Variants in WTIP observed in about 807,000 individuals in gnomAD.
WTIP encodes the protein Wilms tumor protein 1-interacting protein.
A neutral mutation model predicts 41.7 loss-of-function variants in WTIP; 23 were observed. That is an observed-to-expected ratio of 0.55 (90% CI 0.40 to 0.78). The LOEUF (loss-of-function observed/expected upper bound fraction) is 0.78, where lower values mean the gene tolerates loss of function less well. Among genes scored for constraint, WTIP ranks in the 30% least tolerant of loss-of-function variants. The pLI, the probability that WTIP is intolerant of heterozygous loss-of-function variation, is 0.00. For synonymous variants in WTIP, 314 were observed against 269.9 expected, an observed-to-expected ratio of 1.16 and a Z score of -1.60; for missense variants, 619 against 610.5, an observed-to-expected ratio of 1.01 and a Z score of -0.15.
chr19:34,484,935 TA>T (rs34263232), intron 1 of WTIP, among the ~76,000 whole-genome samples: 282 of 115,494 alleles, frequency 2.4e-3, no homozygotes, highest in Middle Eastern at 4.6e-3. Context: ...GTCTTTTCTT[TA>T]AAAAAAAAAA....
Position 34,502,708 on chromosome 19 carries a change from C to T in WTIP, c.*2439C>T, listed in dbSNP as rs1019507224. 2.6e-5 allele frequency: 4 copies of T among 152,358 alleles called. No individual in the cohort carries two copies. Among genetic ancestry groups the T allele is most frequent in the Non-Finnish European group, 5.9e-5 (4 of 68,144 alleles). 9.4% of individuals were successfully genotyped at this position (152,358 alleles called of 1,614,324 possible). On this transcript the variant is annotated 3_prime_UTR_variant, in exon 8 of 8. Transcript: ENST00000590071. ...GTTCTGGGATTACAGGCGTGAGCCA[C>T]TGTGCCTGGCCTTACTTTTTGTATT...
At chr19:34,488,681 C>T (rs567969009) in intron 1 of WTIP, among the ~76,000 whole-genome samples, 91 of 151,890 alleles carry the variant, frequency 6.0e-4, no homozygotes, top group Non-Finnish European at 1.2e-3. Flanking sequence ...TCCTTATTTC[C>T]TTCAGGCCTT....
At chr19:34,487,102 CTTT>C (rs34893888) in intron 1 of WTIP, among the ~76,000 whole-genome samples, 39 of 96,724 alleles carry the variant, frequency 4.0e-4, no homozygotes, top group Non-Finnish European at 3.8e-4. Flanking sequence ...TCCCTGCCTG[CTTT>C]TTTTTTTTTT....
At chr19:34,487,839 G>A (rs1012650403) in intron 1 of WTIP, among the ~76,000 whole-genome samples, 1 of 152,242 alleles carries the variant, frequency 6.6e-6, no homozygotes, top group Non-Finnish European at 1.5e-5. Context: ...GGGAGGCCCT[G>A]GGTGACCCTG....
Position 34,494,623 on chromosome 19 carries a change from A to G in WTIP, c.1069A>G (p.Ile357Val), listed in dbSNP as rs771050515. 3.1e-6 allele frequency: 5 copies of G among 1,613,368 alleles called. No individual in the cohort carries two copies. Among genetic ancestry groups the G allele is most frequent in the African/African-American group, 1.3e-5 (1 of 74,874 alleles). The change falls in exon 6 of 8, where the codon ATC becomes GTC. Residue 357 changes from isoleucine to valine, a missense_variant. Transcript: ENST00000590071. Reference protein sequence around the residue: ...APKCASCARPILPAQGCETTI... With the variant: ...APKCASCARPVLPAQGCETTI... ...AAAATGCGCCTCCTGTGCCCGTCCT[A>G]TCCTCCCTGCACAGGTAGGAGCCAC...
In WTIP at chr19:34,506,853, C is replaced by T. The variant is rs1040639788; in HGVS notation, c.*6584C>T. 9.2e-5 allele frequency: 14 copies of T among 152,000 alleles called. No homozygotes were observed. Among genetic ancestry groups the T allele is most frequent in the African/African-American group, 2.9e-4 (12 of 41,382 alleles). 9.4% of individuals were successfully genotyped at this position (152,000 alleles called of 1,614,324 possible). A position where few individuals can be genotyped will look rare whatever the true frequency, so the allele number is the denominator to read the frequency against. On this transcript the variant is annotated 3_prime_UTR_variant, in exon 8 of 8. Transcript: ENST00000590071. ...TCTCCCTGAAGTAGGTGCTCTTTCCCGTGAAAACTACTTTTTTGGTTTGGT... is the reference window on the plus strand; with the variant it reads ...TCTCCCTGAAGTAGGTGCTCTTTCCTGTGAAAACTACTTTTTTGGTTTGGT...
chr19:34,506,324 A>C lies in WTIP; in HGVS notation c.*6055A>C, dbSNP rs370553388. The C allele has an allele frequency of 6.6e-6, 1 of 151,972 alleles. No individual in the cohort carries two copies. The highest frequency in any genetic ancestry group is 2.4e-5 in the African/African-American group (1 of 41,426). The allele number at this position is 151,972 out of a possible 1,614,324, so 9.4% of individuals were successfully genotyped here. ...TGAGGGTGCAGGCCAAACCTTTTAA[A>C]GAATAAACAGAAAGAAATCGGCTCT... On this transcript the variant is annotated 3_prime_UTR_variant, in exon 8 of 8. Transcript: ENST00000590071.
At chr19:34,485,257 A>G (rs1288125090) in intron 1 of WTIP, among the ~76,000 whole-genome samples, 1 of 151,564 alleles carries the variant, frequency 6.6e-6, no homozygotes, top group Non-Finnish European at 1.5e-5. Context: ...TAATTTTTGT[A>G]TTTTTAGTAG....
Position 34,481,831 on chromosome 19 carries a change from C to A in WTIP, c.-144C>A. On this transcript the variant is annotated 5_prime_UTR_variant, in exon 1 of 8. Transcript: ENST00000590071. ...CCGCGCGTGGCCGCCGGAACGACCC[C>A]GGCCCGGCGCCGGCCCCGCCCCGCC... 3.6e-6 allele frequency: 1 copy of A among 280,222 alleles called. No individual in the cohort carries two copies. Among genetic ancestry groups the A allele is most frequent in the Non-Finnish European group, 5.3e-6 (1 of 187,868 alleles). The allele number at this position is 280,222 out of a possible 1,614,324, so 17.4% of individuals were successfully genotyped here.
Position 34,482,027 on chromosome 19 carries a change from T to C in WTIP, c.53T>C (p.Leu18Pro). ...GAGGCGGCCCTACTCCTGGCCGGGC[T>C]GGCCCTGCGGGAGCTGGAGCCCGGG... Reference protein sequence around the residue: ...ADEAALLLAGLALRELEPGCG... With the variant: ...ADEAALLLAGPALRELEPGCG... Residue 18 changes from leucine to proline, a missense_variant, in exon 1 of 8, where the codon CTG (leucine) becomes CCG (proline). Leu to Pro is a moderately conservative substitution (Grantham distance 98). This residue lies in a region of WTIP where 363 missense variants were observed against 309.0 expected (regional missense o/e 1.17). Coordinates refer to ENST00000590071, the MANE Select transcript of WTIP (RefSeq NM_001080436.2). 9.8e-7 allele frequency: 1 copy of C among 1,025,638 alleles called. No homozygotes were observed. Among genetic ancestry groups the C allele is most frequent in the Non-Finnish European group, 1.2e-6 (1 of 857,588 alleles). The allele number at this position is 1,025,638 out of a possible 1,614,324, so 63.5% of individuals were successfully genotyped here.
intron 1 of WTIP, among the ~76,000 whole-genome samples, chr19:34,485,683 T>C (rs2075793602): frequency 6.6e-6 from 1 of 151,892 alleles, no homozygotes; most frequent in Non-Finnish European, 1.5e-5. Flanking sequence ...AGCCTTGAAC[T>C]CCTGGGCTTA....
At chr19:34,488,536 TA>T (rs113270099) in intron 1 of WTIP, among the ~76,000 whole-genome samples, 1 of 151,950 alleles carries the variant, frequency 6.6e-6, no homozygotes, top group Non-Finnish European at 1.5e-5. Flanking sequence ...TGGATATTTT[TA>T]AAAATTTTTG....
Position 34,500,311 on chromosome 19 carries a change from T to C in WTIP, c.*42T>C. ...CCCTGGGCCGGGGTGGGTGTGGGTG[T>C]GGAGGGAGGGCCCGCGTGGGTGGCC... On this transcript the variant is annotated 3_prime_UTR_variant, in exon 8 of 8. Coordinates refer to ENST00000590071, the MANE Select transcript of WTIP (RefSeq NM_001080436.2). 1 of 1,536,430 alleles carries C rather than the reference T, an allele frequency of 6.5e-7. No individual in the cohort carries two copies. The highest frequency in any genetic ancestry group is 8.8e-7 in the Non-Finnish European group (1 of 1,141,608).
Position 34,506,001 on chromosome 19 carries a change from T to C in WTIP, c.*5732T>C, listed in dbSNP as rs895966952. 9.9e-5 allele frequency: 15 copies of C among 152,242 alleles called. No homozygotes were observed. The highest frequency in any genetic ancestry group is 3.1e-4 in the African/African-American group (13 of 41,444). 9.4% of individuals were successfully genotyped at this position (152,242 alleles called of 1,614,324 possible). A position where few individuals can be genotyped will look rare whatever the true frequency, so the allele number is the denominator to read the frequency against. The stretch of plus-strand genomic sequence containing the variant: ...CTGCGTGGATCTCAGCCAGGACTTC[T>C]CGTCCCTGAGAACAGATTGGGGCTG... On this transcript the variant is annotated 3_prime_UTR_variant, in exon 8 of 8. Coordinates refer to ENST00000590071, the MANE Select transcript of WTIP (RefSeq NM_001080436.2).
chr19:34,492,927 C>T (rs1435145744), intron 2 of WTIP, 110 bp from the exon 3 acceptor site: 18 of 1,045,028 alleles, frequency 1.7e-5, no homozygotes, highest in South Asian at 2.7e-5. Context: ...TAGAAAACCA[C>T]CCATAACCCA....
rs2075933633 is a variant in WTIP, at chr19:34,511,655, A to G, written c.*11386A>G. 1 of 152,128 alleles carries G rather than the reference A, an allele frequency of 6.6e-6. No homozygotes were observed. Among genetic ancestry groups the G allele is most frequent in the Non-Finnish European group, 1.5e-5 (1 of 68,028 alleles). 9.4% of individuals were successfully genotyped at this position (152,128 alleles called of 1,614,324 possible). A position where few individuals can be genotyped will look rare whatever the true frequency, so the allele number is the denominator to read the frequency against. ...TTCCCATCAATCATAGGAAAATACC[A>G]TTTCCCGCATCCTTACCAACCCTAG... On this transcript the variant is annotated 3_prime_UTR_variant, in exon 8 of 8. Transcript: ENST00000590071.
At position 34,503,762 on chromosome 19, in the gene WTIP, G is replaced by C. The variant is rs895848908; in HGVS notation, c.*3493G>C. On this transcript the variant is annotated 3_prime_UTR_variant, in exon 8 of 8. Coordinates refer to ENST00000590071, the MANE Select transcript of WTIP (RefSeq NM_001080436.2). ...TGGATTAGGGCGAGTGCTGAGGCTG[G>C]AGCTGACCCTGCCCTGGCCTTCAGG... The C allele has an allele frequency of 1.3e-5, 2 of 152,422 alleles. No homozygotes were observed. The highest frequency in any genetic ancestry group is 4.8e-5 in the African/African-American group (2 of 41,446). The allele number at this position is 152,422 out of a possible 1,614,324, so 9.4% of individuals were successfully genotyped here.
Position 34,493,751 on chromosome 19 carries a change from A to G in WTIP, c.1031+129A>G, listed in dbSNP as rs970603085. ...TTTTGCCTTCCGCCTCCCCTTGTACACCTGGGCTTGGGGCAGGCATGTGTC... is the reference window on the plus strand; with the variant it reads ...TTTTGCCTTCCGCCTCCCCTTGTACGCCTGGGCTTGGGGCAGGCATGTGTC... On this transcript the variant is annotated intron_variant, in intron 5 of 7. Coordinates refer to ENST00000590071, the MANE Select transcript of WTIP (RefSeq NM_001080436.2). This position sits in a 1 kb window ranked among gnomAD's most constrained non-coding sequence, Gnocchi z 4.1. The G allele has an allele frequency of 1.5e-6, 2 of 1,322,248 alleles. No homozygotes were observed. Among genetic ancestry groups the G allele is most frequent in the East Asian group, 4.7e-5 (2 of 42,492 alleles). 81.9% of individuals were successfully genotyped at this position (1,322,248 alleles called of 1,614,324 possible).
At chr19:34,489,509 T>C (rs1279944994) in intron 1 of WTIP, among the ~76,000 whole-genome samples, 1 of 152,130 alleles carries the variant, frequency 6.6e-6, no homozygotes, top group South Asian at 2.1e-4. Context: ...TGAGTGCCCA[T>C]GTGGTCTTCA....
Sources: gnomAD v4.1 joint callset for allele counts (sites outside exome capture counted in the v4.1 genomes callset) on GRCh38, gnomAD v4.1.1 for gene constraint, gnomAD v4.1.1 regional missense constraint, Gnocchi (gnomAD v3.1) non-coding constraint, MANE v1.5 for transcripts, NCBI Gene and HGNC (gene_info 2026-07-23, HGNC 2026-07-21) for gene names.